DMGDH: variants seen among roughly 807,000 people sequenced by gnomAD.
The protein encoded by DMGDH is dimethylglycine dehydrogenase.
A neutral mutation model predicts 95.2 loss-of-function variants in DMGDH; 76 were observed. The observed-to-expected ratio is 0.80, with a 90% CI of 0.66 to 0.97. The LOEUF is 0.97. Ranked by LOEUF, DMGDH falls within the 50% of genes least tolerant of loss-of-function variation. DMGDH has a pLI of 0.00. For missense variants in DMGDH, 987 were observed against 1,055.0 expected (o/e 0.94, Z 0.89); for synonymous variants, 345 against 377.6 (o/e 0.91, Z 1.00).
chr5:79,014,382 A>C (rs377318407), intron 14 of DMGDH, among the ~76,000 whole-genome samples: 4 of 152,336 alleles, frequency 2.6e-5, no homozygotes, highest in African/African-American at 9.6e-5. Flanking sequence ...TATCAGATTT[A>C]TGTTTAACTG....
intron 1 of DMGDH, among the ~76,000 whole-genome samples, chr5:79,068,234 G>A (rs1315855450): frequency 2.0e-5 from 3 of 152,006 alleles, no homozygotes; most frequent in African/African-American, 4.8e-5. Flanking sequence ...TGAATTTTTT[G>A]GATAGTCTTG....
At chr5:79,010,982 A>C (rs1418442559) in intron 14 of DMGDH, among the ~76,000 whole-genome samples, 8 of 152,224 alleles carry the variant, frequency 5.3e-5, no homozygotes, top group Non-Finnish European at 1.0e-4. Context: ...CATCATTTAA[A>C]GCAATCTGGG....
At chr5:79,043,220 T>C (rs1474010853) in intron 6 of DMGDH, among the ~76,000 whole-genome samples, 1 of 152,204 alleles carries the variant, frequency 6.6e-6, no homozygotes, top group African/African-American at 2.4e-5. Context: ...CAGGGTGGAC[T>C]AGCACACACG....
At chr5:79,063,865 C>T in intron 1 of DMGDH, 78 bp from the exon 2 acceptor site, 1 of 1,429,358 alleles carries the variant, frequency 7.0e-7, no homozygotes, top group Non-Finnish European at 9.8e-7. Context: ...CTTCCCCTTA[C>T]CCGTTTCTCT....
chr5:79,035,919 A>G (rs1754335546), intron 7 of DMGDH, among the ~76,000 whole-genome samples: 1 of 152,230 alleles, frequency 6.6e-6, no homozygotes, highest in African/African-American at 2.4e-5. Flanking sequence ...TATTTTCCAT[A>G]TCATGTTCTT....
At chr5:79,067,253 A>G (rs1468980792) in intron 1 of DMGDH, among the ~76,000 whole-genome samples, 1 of 152,214 alleles carries the variant, frequency 6.6e-6, no homozygotes, top group East Asian at 1.9e-4. Context: ...ATGACTATTA[A>G]TGTCTCTTTG....
chr5:79,057,710 A>G (rs1020957985), intron 2 of DMGDH, among the ~76,000 whole-genome samples: 1 of 152,182 alleles, frequency 6.6e-6, no homozygotes, highest in African/African-American at 2.4e-5. Flanking sequence ...TGGTTCAATA[A>G]TAGAGAATCT....
intron 9 of DMGDH, among the ~76,000 whole-genome samples, 183 bp from the exon 10 acceptor site, chr5:79,031,181 T>A (rs900386930): frequency 4.6e-4 from 70 of 152,348 alleles, no homozygotes; most frequent in East Asian, 3.7e-3. Flanking sequence ...TATGTTGGAA[T>A]CTGACCCTTT....
At chr5:79,031,152 G>T (rs1181874612) in intron 9 of DMGDH, among the ~76,000 whole-genome samples, 154 bp from the exon 10 acceptor site, 2 of 152,172 alleles carry the variant, frequency 1.3e-5, no homozygotes, top group African/African-American at 4.8e-5. Context: ...CTGAAATTCT[G>T]TTCTGCAAAT....
Position 79,051,373 on chromosome 5 carries a change from G to A in DMGDH, c.659C>T (p.Thr220Ile), listed in dbSNP as rs774974951. The part of the protein sequence containing the change: ...GALLKYPAPV[T>I]SLKARSDGTW... ...TCCATCTGACCTGGCTTTCAGAGAA[G>A]TTACTGGTGCAGGATATTTTAAAAG... The change falls in exon 5 of 16, where the codon ACT (threonine) becomes ATT (isoleucine). Residue 220 changes from threonine to isoleucine, a missense_variant. Thr to Ile is a moderately conservative substitution (Grantham distance 89). Coordinates refer to ENST00000255189, the MANE Select transcript of DMGDH (RefSeq NM_013391.3). The A allele has an allele frequency of 1.2e-6, 2 of 1,614,028 alleles. No homozygotes were observed. Among genetic ancestry groups the A allele is most frequent in the African/African-American group, 2.7e-5 (2 of 74,908 alleles).
intron 15 of DMGDH, 57 bp from the exon 16 acceptor site, chr5:78,998,354 T>G: frequency 6.5e-7 from 1 of 1,532,458 alleles, no homozygotes; most frequent in African/African-American, 1.4e-5. Context: ...GTGCTCCTCA[T>G]CTCTGGGTGA....
At chr5:78,999,483 A>C (rs1396018039) in intron 15 of DMGDH, among the ~76,000 whole-genome samples, 1 of 152,012 alleles carries the variant, frequency 6.6e-6, no homozygotes, top group African/African-American at 2.4e-5. Flanking sequence ...GGCACCCACC[A>C]CCACGCCCGG....
chr5:79,012,781 C>G (rs1015294911), intron 14 of DMGDH, among the ~76,000 whole-genome samples: 7 of 152,232 alleles, frequency 4.6e-5, no homozygotes, highest in Admixed American at 3.9e-4. Context: ...TCATTTGAGT[C>G]ACAGCTAGAG....
chr5:79,026,535 C>T lies in DMGDH; in HGVS notation c.2079G>A (p.Ala693=), dbSNP rs754099616. The T allele has an allele frequency of 1.8e-5, 29 of 1,614,004 alleles. No homozygotes were observed. In the Admixed American group the frequency reaches 2.0e-4, roughly 11 times the overall value. ...ELYHRREDSV[A]LYDAIMNAGQ... Reference sequence around the variant, plus strand: ...CTGCATTCATGATAGCGTCATACAGCGCCACAGAATCTTCTCTTCTGTGAT... The same window carrying T: ...CTGCATTCATGATAGCGTCATACAGTGCCACAGAATCTTCTCTTCTGTGAT... Residue 693 remains alanine (A), a synonymous_variant, in exon 13 of 16, where the codon GCG becomes GCA. Transcript: ENST00000255189.
At chr5:79,014,583 T>C (rs751569240) in intron 14 of DMGDH, among the ~76,000 whole-genome samples, 4 of 152,260 alleles carry the variant, frequency 2.6e-5, no homozygotes, top group South Asian at 2.1e-4. Flanking sequence ...TCTTCCTTAC[T>C]GGGATCTTAA....
At chr5:79,059,850 A>G (rs1755145054) in intron 2 of DMGDH, among the ~76,000 whole-genome samples, 1 of 152,234 alleles carries the variant, frequency 6.6e-6, no homozygotes, top group South Asian at 2.1e-4. Context: ...ACAACTTTTT[A>G]GCTACTGCTA....
chr5:79,052,667 G>A (rs571418353), intron 4 of DMGDH, among the ~76,000 whole-genome samples: 3 of 152,300 alleles, frequency 2.0e-5, no homozygotes, highest in East Asian at 3.9e-4. Flanking sequence ...CTTAATGAAT[G>A]CCCTTGAGAA....
rs199595555 is a variant in DMGDH, at chr5:79,021,619, G to C, written c.2250+2652C>G. ...AACACGATTCACCCTAATAAGGCCT[G>C]ATGGCCCATCTGCTCACCCAGCCAT... On this transcript the variant is annotated intron_variant, in intron 14 of 15. Coordinates refer to ENST00000255189, the MANE Select transcript of DMGDH (RefSeq NM_013391.3). 1,389 of 1,316,416 alleles carry C rather than the reference G, an allele frequency of 1.1e-3. 5 individuals are homozygous for C. Among genetic ancestry groups the C allele is most frequent in the Non-Finnish European group, 1.2e-3 (1,253 of 1,002,888 alleles). The allele number at this position is 1,316,416 out of a possible 1,614,324, so 81.5% of individuals were successfully genotyped here.
intron 14 of DMGDH, among the ~76,000 whole-genome samples, chr5:79,017,420 T>G (rs1047802731): frequency 1.3e-5 from 2 of 152,128 alleles, no homozygotes; most frequent in African/African-American, 4.8e-5. Flanking sequence ...TCCAACATCA[T>G]TTGACATTAA....
Sources: allele counts gnomAD v4.1 joint callset (sites outside exome capture counted in the v4.1 genomes callset), GRCh38; gene constraint gnomAD v4.1.1; transcripts MANE v1.5; gene names NCBI Gene and HGNC (gene_info 2026-07-23, HGNC 2026-07-21).